Variants in ASXL3 observed in about 807,000 individuals in gnomAD.
ASXL3 encodes ASXL transcriptional regulator 3, also known as putative Polycomb group protein ASXL3.
Under a neutral mutation model 170.6 loss-of-function variants are expected in ASXL3, and 34 were observed. The ratio of observed to expected loss-of-function variants is 0.20; its 90% CI spans 0.15 to 0.27. The LOEUF is 0.27. Ranked by LOEUF, ASXL3 falls within the 10% of genes least tolerant of loss-of-function variation. The pLI is 1.00. For synonymous variants in ASXL3, 1,002 were observed against 989.1 expected (o/e 1.01, Z -0.24); for missense variants, 2,592 against 2,695.3 (o/e 0.96, Z 0.85).
intron 7 of ASXL3, among the ~76,000 whole-genome samples, chr18:33,682,615 A>G (rs1181229736): frequency 6.6e-6 from 1 of 152,070 alleles, no homozygotes; most frequent in East Asian, 1.9e-4. Context: ...TGGCGCAGTC[A>G]TGGCTCGCTG....
At chr18:33,668,359 T>C (rs6507054) in intron 5 of ASXL3, among the ~76,000 whole-genome samples, 102,022 of 149,778 alleles carry the variant, frequency 0.68, 35,859 homozygotes, top group East Asian at 0.97. Context: ...ACCCAGGAGG[T>C]GGAGCTTGCA....
At chr18:33,738,071 A>G (rs962146292) in intron 10 of ASXL3, among the ~76,000 whole-genome samples, 1 of 152,146 alleles carries the variant, frequency 6.6e-6, no homozygotes, top group African/African-American at 2.4e-5. Context: ...AAAAATCTAG[A>G]CTGTTCTTAA....
At chr18:33,578,849 CCT>C (rs941271784) in intron 1 of ASXL3, 164 bp downstream of exon 1, 13 of 339,536 alleles carry the variant, frequency 3.8e-5, no homozygotes, top group Admixed American at 1.2e-4. Flanking sequence ...CCCGGGGGCC[CCT>C]GTGTGTGTGC....
At chr18:33,606,294 TGTA>T (rs1374019761) in intron 1 of ASXL3, among the ~76,000 whole-genome samples, 1 of 151,938 alleles carries the variant, frequency 6.6e-6, no homozygotes, top group Non-Finnish European at 1.5e-5. Context: ...ATACCCTTGT[TGTA>T]GTGTGGCTCA....
intron 2 of ASXL3, chr18:33,609,076 T>A: frequency 2.0e-6 from 2 of 984,806 alleles, no homozygotes; most frequent in Non-Finnish European, 2.4e-6. Flanking sequence ...GTGGATAGAT[T>A]AGTTGCTAAC....
At chr18:33,710,418 T>C (rs1289549512) in intron 8 of ASXL3, among the ~76,000 whole-genome samples, 3 of 152,220 alleles carry the variant, frequency 2.0e-5, no homozygotes, top group Non-Finnish European at 4.4e-5. Flanking sequence ...GCAGAATGTA[T>C]GTGCTAGAAA....
Position 33,661,686 on chromosome 18 carries a change from A to G in ASXL3, c.426A>G (p.Gln142=). The change falls in exon 5 of 12, where the codon CAA becomes CAG. Residue 142 remains glutamine (Q), a synonymous_variant. Transcript: ENST00000269197. Reference sequence around the variant, plus strand: ...CAAGCCTTACTAACACAGCAGTGCAAAGCAAGTTAGTGTCTTCCTTCCAGC... The same window carrying G: ...CAAGCCTTACTAACACAGCAGTGCAGAGCAAGTTAGTGTCTTCCTTCCAGC... ...RDSSLTNTAV[Q]SKLVSSFQQH... The G allele has an allele frequency of 1.2e-6, 2 of 1,612,934 alleles. No individual in the cohort carries two copies. Among genetic ancestry groups the G allele is most frequent in the Non-Finnish European group, 1.7e-6 (2 of 1,179,400 alleles).
At chr18:33,740,769 T>C (rs1224927058) in intron 11 of ASXL3, among the ~76,000 whole-genome samples, 1 of 152,050 alleles carries the variant, frequency 6.6e-6, no homozygotes, top group Non-Finnish European at 1.5e-5. Flanking sequence ...CCTGGGAAAA[T>C]GTGAAAGATA....
intron 8 of ASXL3, among the ~76,000 whole-genome samples, chr18:33,694,383 T>C (rs1599504163): frequency 6.6e-6 from 1 of 152,158 alleles, no homozygotes; most frequent in African/African-American, 2.4e-5. Flanking sequence ...TGGCAGCTGG[T>C]GGAATAAATG....
At chr18:33,628,025 A>G (rs554180113) in intron 2 of ASXL3, among the ~76,000 whole-genome samples, 10 of 152,300 alleles carry the variant, frequency 6.6e-5, no homozygotes, top group African/African-American at 2.2e-4. Flanking sequence ...TGTCTGTTCA[A>G]TGTCATTTTG....
At chr18:33,673,849 C>T (rs930160839) in intron 7 of ASXL3, among the ~76,000 whole-genome samples, 4 of 152,148 alleles carry the variant, frequency 2.6e-5, no homozygotes, top group South Asian at 2.1e-4. Flanking sequence ...GAAGTATTTC[C>T]GCTGACTTGT....
At chr18:33,584,518 C>G (rs2065019823) in intron 1 of ASXL3, among the ~76,000 whole-genome samples, 1 of 151,954 alleles carries the variant, frequency 6.6e-6, no homozygotes, top group African/African-American at 2.4e-5. Flanking sequence ...AGTGAGTGGT[C>G]TGAAGCTGTT....
chr18:33,661,349 A>T (rs1329312037), intron 4 of ASXL3, among the ~76,000 whole-genome samples: 7 of 152,112 alleles, frequency 4.6e-5, no homozygotes, highest in African/African-American at 1.7e-4. Flanking sequence ...TCTATTTTTT[A>T]TGTCCATACA....
At chr18:33,651,713 G>A (rs568226618) in intron 4 of ASXL3, among the ~76,000 whole-genome samples, 1 of 152,112 alleles carries the variant, frequency 6.6e-6, no homozygotes, top group Non-Finnish European at 1.5e-5. Flanking sequence ...TGAGAAGAAA[G>A]TATTTTGTAA....
chr18:33,620,732 T>C (rs1481789609), intron 2 of ASXL3, among the ~76,000 whole-genome samples: 2 of 152,160 alleles, frequency 1.3e-5, no homozygotes, highest in African/African-American at 4.8e-5. Flanking sequence ...TGATGAGGGA[T>C]TGTGAAATAG....
rs532519039 is a variant in ASXL3, at chr18:33,744,113, C to T, written c.4265C>T (p.Thr1422Ile). Residue 1422 changes from threonine (T) to isoleucine (I), a missense_variant, in exon 12 of 12, where the codon ACA becomes ATA. Coordinates refer to ENST00000269197, the MANE Select transcript of ASXL3 (RefSeq NM_030632.3). Reference protein sequence around the residue: ...TVAMFTGNMLTINSYDSPPKL... With the variant: ...TVAMFTGNMLIINSYDSPPKL... The stretch of plus-strand genomic sequence containing the variant: ...GCAATGTTTACTGGAAACATGCTGA[C>T]AATAAACTCTTATGATAGTCCTCCC... 1.9e-6 allele frequency: 3 copies of T among 1,614,020 alleles called. No homozygotes were observed. Among genetic ancestry groups the T allele is most frequent in the Non-Finnish European group, 2.5e-6 (3 of 1,179,898 alleles).
chr18:33,693,981 G>A (rs1392257612), intron 8 of ASXL3, among the ~76,000 whole-genome samples: 1 of 152,136 alleles, frequency 6.6e-6, no homozygotes, highest in African/African-American at 2.4e-5. Flanking sequence ...GTTGATAAAT[G>A]AAGTGTTATG....
chr18:33,744,043 G>A lies in ASXL3; in HGVS notation c.4195G>A (p.Asp1399Asn), dbSNP rs749326211. 5.6e-6 allele frequency: 9 copies of A among 1,614,052 alleles called. No homozygotes were observed. Among genetic ancestry groups the A allele is most frequent in the Middle Eastern group, 3.3e-4 (2 of 6,062 alleles). The change falls in exon 12 of 12, where the codon GAT (aspartate) becomes AAT (asparagine). Residue 1399 changes from aspartate to asparagine, a missense_variant. Asp to Asn is a conservative substitution (Grantham distance 23). Coordinates refer to ENST00000269197, the MANE Select transcript of ASXL3 (RefSeq NM_030632.3). ...TTVRAALSCS[D>N]SVAVTDSLVA... ...TGTGAGAGCAGCCCTCAGCTGCAGT[G>A]ATTCTGTAGCGGTCACAGACTCTCT...
At chr18:33,594,727 G>A (rs1340661674) in intron 1 of ASXL3, among the ~76,000 whole-genome samples, 4 of 151,962 alleles carry the variant, frequency 2.6e-5, no homozygotes, top group Admixed American at 6.6e-5. Flanking sequence ...CCCTGAATTC[G>A]TTTAGCATAA....
Sources: gnomAD v4.1 joint callset for allele counts (sites outside exome capture counted in the v4.1 genomes callset) on GRCh38, gnomAD v4.1.1 for gene constraint, MANE v1.5 for transcripts, NCBI Gene and HGNC (gene_info 2026-07-23, HGNC 2026-07-21) for gene names.